Variants in LAMA2 observed in about 807,000 individuals in gnomAD.
LAMA2 encodes the protein laminin subunit alpha 2.
Under a neutral mutation model 364.8 loss-of-function variants are expected in LAMA2, and 269 were observed. That is an observed-to-expected ratio of 0.74 (90% CI 0.67 to 0.82). The LOEUF is 0.82. LAMA2 is among the 40% of genes least tolerant of loss of function. The probability of loss-of-function intolerance (pLI) is 0.00; values close to 1 mark genes in which losing one functional copy is unlikely to be tolerated. For missense variants in LAMA2, 3,807 were observed against 3,873.2 expected (o/e 0.98, Z 0.45); for synonymous variants, 1,379 against 1,370.6 (o/e 1.01, Z -0.14).
intron 22 of LAMA2, among the ~76,000 whole-genome samples, chr6:129,309,927 T>G (rs1481760557): frequency 9.6e-5 from 14 of 145,608 alleles, no homozygotes; most frequent in African/African-American, 2.1e-4. Context: ...TGAGACGGAG[T>G]CTCGCTCTGT....
chr6:129,438,851 T>C, intron 42 of LAMA2, 89 bp downstream of exon 42: 5 of 772,718 alleles, frequency 6.5e-6, no homozygotes, highest in Middle Eastern at 5.2e-4. Flanking sequence ...CTAAGATTAT[T>C]CTGGTACTAT....
intron 32 of LAMA2, among the ~76,000 whole-genome samples, chr6:129,356,840 T>C (rs1777177930): frequency 6.6e-6 from 1 of 152,116 alleles, no homozygotes; most frequent in Non-Finnish European, 1.5e-5. Context: ...CCTCTAAGAT[T>C]TAAAACATTA....
chr6:129,478,831 A>G lies in LAMA2; in HGVS notation c.7572+18A>G, dbSNP rs746755930. 1.2e-6 allele frequency: 2 copies of G among 1,606,610 alleles called. No individual in the cohort carries two copies. The highest frequency in any genetic ancestry group is 2.7e-5 in the African/African-American group (2 of 74,742). ...CCCTGGAGGTTGGTCTGTTTTTGATAGTTCTCTAAACACATTTATATCAGA... is the reference window on the plus strand; with the variant it reads ...CCCTGGAGGTTGGTCTGTTTTTGATGGTTCTCTAAACACATTTATATCAGA... On this transcript the variant is annotated intron_variant, in intron 54 of 64. Coordinates refer to ENST00000421865, the MANE Select transcript of LAMA2 (RefSeq NM_000426.4).
intron 31 of LAMA2, among the ~76,000 whole-genome samples, chr6:129,352,418 A>G (rs756409751): frequency 2.0e-5 from 3 of 152,252 alleles, no homozygotes; most frequent in Non-Finnish European, 4.4e-5. Context: ...GCATATCATT[A>G]ACCCACTTCC....
At chr6:129,181,434 A>G (rs1780918718) in intron 10 of LAMA2, among the ~76,000 whole-genome samples, 3 of 152,106 alleles carry the variant, frequency 2.0e-5, no homozygotes, top group Admixed American at 2.0e-4. Flanking sequence ...CATGATTAGA[A>G]GATTGAAGAA....
chr6:129,324,049 T>C (rs1364720769), intron 28 of LAMA2, among the ~76,000 whole-genome samples: 2 of 152,248 alleles, frequency 1.3e-5, no homozygotes, highest in Non-Finnish European at 2.9e-5. Context: ...TGCACACATC[T>C]ATCCTTTATC....
intron 1 of LAMA2, among the ~76,000 whole-genome samples, chr6:128,979,665 C>T (rs1261595648): frequency 6.6e-6 from 1 of 152,218 alleles, no homozygotes; most frequent in Non-Finnish European, 1.5e-5. Flanking sequence ...TCTACTGCAA[C>T]ATGTCTGATA....
chr6:129,514,733 C>T lies in LAMA2; in HGVS notation c.9211+138C>T, dbSNP rs1241795579. On this transcript the variant is annotated intron_variant, in intron 64 of 64. Transcript: ENST00000421865. Reference sequence around the variant, plus strand: ...AGCTTTAGAATCTGCTTAGAATCTGCACCTTACCTAAAATTTCCAGTGTGT... The same window carrying T: ...AGCTTTAGAATCTGCTTAGAATCTGTACCTTACCTAAAATTTCCAGTGTGT... 15 of 753,064 alleles carry T rather than the reference C, an allele frequency of 2.0e-5. No individual in the cohort carries two copies. In the Admixed American group the frequency reaches 2.9e-4, roughly 15 times the overall value. 46.6% of individuals were successfully genotyped at this position (753,064 alleles called of 1,614,324 possible).
chr6:129,461,039 G>A (rs1783228989), intron 49 of LAMA2, among the ~76,000 whole-genome samples: 1 of 151,868 alleles, frequency 6.6e-6, no homozygotes, highest in Non-Finnish European at 1.5e-5. Flanking sequence ...ATGAATACAG[G>A]ATATAAAATA....
chr6:128,908,894 C>T (rs1394357617), intron 1 of LAMA2, among the ~76,000 whole-genome samples: 12 of 147,464 alleles, frequency 8.1e-5, no homozygotes, highest in Non-Finnish European at 1.6e-4. Context: ...TCGTTATGTA[C>T]CCAGTAGTCA....
At chr6:129,122,110 G>T (rs1028657386) in intron 4 of LAMA2, among the ~76,000 whole-genome samples, 1 of 152,136 alleles carries the variant, frequency 6.6e-6, no homozygotes, top group East Asian at 1.9e-4. Context: ...TTTACTGGTT[G>T]TATATGTAGC....
intron 37 of LAMA2, among the ~76,000 whole-genome samples, chr6:129,400,370 A>G (rs1320341664): frequency 6.6e-6 from 1 of 152,188 alleles, no homozygotes; most frequent in Non-Finnish European, 1.5e-5. Context: ...AGTGATCAAC[A>G]TGGGATCCAA....
intron 1 of LAMA2, among the ~76,000 whole-genome samples, chr6:129,043,307 T>C (rs541157113): frequency 6.6e-6 from 1 of 152,344 alleles, no homozygotes; most frequent in South Asian, 2.1e-4. Context: ...TGCAATGATG[T>C]GATTTTTTGC....
Position 128,943,452 on chromosome 6 carries a change from T to C in LAMA2, c.112+60095T>C, listed in dbSNP as rs539802231. Among the ~76,000 whole-genome samples the C allele has an allele frequency of 4.0e-5, 6 of 149,648 alleles. No homozygotes were observed. In the South Asian group the frequency reaches 1.3e-3, roughly 32 times the overall value. On this transcript the variant is annotated intron_variant, in intron 1 of 64. Coordinates refer to ENST00000421865, the MANE Select transcript of LAMA2 (RefSeq NM_000426.4). ...GCATTCACCACCACACCCAGTTAGT[T>C]ATTGTACTTTTTTTTTTTTTGAAGA... is the stretch of plus-strand genomic sequence containing the variant.
chr6:129,076,523 A>T (rs1442906742), intron 3 of LAMA2, among the ~76,000 whole-genome samples: 1 of 144,188 alleles, frequency 6.9e-6, no homozygotes, highest in South Asian at 2.1e-4. Context: ...AATATATATA[A>T]AATTAGAGAA....
intron 1 of LAMA2, among the ~76,000 whole-genome samples, chr6:128,957,062 T>A (rs1781199980): frequency 6.6e-6 from 1 of 152,176 alleles, no homozygotes; most frequent in African/African-American, 2.4e-5. Flanking sequence ...TTCACTATGG[T>A]ACCAAGAAAT....
chr6:128,929,473 TGACA>T (rs1188499516), intron 1 of LAMA2: 1 of 839,280 alleles, frequency 1.2e-6, no homozygotes, highest in Non-Finnish European at 2.1e-6. Context: ...TACCTCCATT[TGACA>T]GACAGACTCT....
chr6:129,375,894 A>T (rs1041360410), intron 34 of LAMA2, among the ~76,000 whole-genome samples: 1 of 152,180 alleles, frequency 6.6e-6, no homozygotes, highest in African/African-American at 2.4e-5. Context: ...TTTATCCGCC[A>T]GTATATGCCC....
intron 4 of LAMA2, among the ~76,000 whole-genome samples, chr6:129,123,296 ACT>A (rs1408556124): frequency 7.5e-5 from 11 of 146,416 alleles, no homozygotes; most frequent in Non-Finnish European, 1.5e-4. Context: ...ATAGAGTAAG[ACT>A]CTGTCTCAAA....
Sources: allele counts gnomAD v4.1 joint callset (sites outside exome capture counted in the v4.1 genomes callset), GRCh38; gene constraint gnomAD v4.1.1; transcripts MANE v1.5; gene names NCBI Gene and HGNC (gene_info 2026-07-23, HGNC 2026-07-21).